Variants in B4GALNT3 observed in about 807,000 individuals in gnomAD.
B4GALNT3 encodes the protein beta-1,4-N-acetylgalactosaminyltransferase 3.
Under a neutral mutation model 120.2 loss-of-function variants are expected in B4GALNT3, and 86 were observed. The ratio of observed to expected loss-of-function variants is 0.72; its 90% CI spans 0.60 to 0.86. The LOEUF is 0.86. B4GALNT3 is among the 40% of genes least tolerant of loss of function. B4GALNT3 has a pLI of 0.00. For missense variants in B4GALNT3, 1,167 were observed against 1,298.9 expected (o/e 0.90, Z 1.56); for synonymous variants, 518 against 510.4 (o/e 1.01, Z -0.20).
At chr12:467,340 C>G (rs537558083) in intron 1 of B4GALNT3, among the ~76,000 whole-genome samples, 1 of 152,260 alleles carries the variant, frequency 6.6e-6, no homozygotes, top group East Asian at 1.9e-4. Flanking sequence ...GGGCAGATCA[C>G]TTGAGGTCAG....
intron 1 of B4GALNT3, among the ~76,000 whole-genome samples, chr12:476,110 C>T (rs892505624): frequency 3.3e-5 from 5 of 152,190 alleles, no homozygotes; most frequent in African/African-American, 9.7e-5. Flanking sequence ...ATCCCCGGCT[C>T]TTGTCCTTAG....
At chr12:527,376 G>A (rs752167588) in intron 1 of B4GALNT3, among the ~76,000 whole-genome samples, 10 of 152,226 alleles carry the variant, frequency 6.6e-5, no homozygotes, top group Admixed American at 2.0e-4. Flanking sequence ...ACCCAGTGGG[G>A]CAGTAGGTAC....
At chr12:499,500 G>A (rs1337899109) in intron 1 of B4GALNT3, among the ~76,000 whole-genome samples, 6 of 118,356 alleles carry the variant, frequency 5.1e-5, no homozygotes, top group African/African-American at 2.4e-4. Context: ...CGTGGAGCCC[G>A]TGCTCTCACT....
At chr12:495,758 TTCTTA>T (rs1946382316) in intron 1 of B4GALNT3, among the ~76,000 whole-genome samples, 1 of 152,174 alleles carries the variant, frequency 6.6e-6, no homozygotes, top group Admixed American at 6.5e-5. Flanking sequence ...TTGGGTAGCT[TTCTTA>T]TCTTTATTTA....
At position 561,292 on chromosome 12, in the gene B4GALNT3, C is replaced by T. The variant is rs1345838938; in HGVS notation, c.2889-51C>T. 2.0e-6 allele frequency: 3 copies of T among 1,481,888 alleles called. No individual in the cohort carries two copies. The East Asian group carries it at 6.8e-5, about 34-fold the overall frequency. The allele number at this position is 1,481,888 out of a possible 1,614,324, so 91.8% of individuals were successfully genotyped here. A position where few individuals can be genotyped will look rare whatever the true frequency, so the allele number is the denominator to read the frequency against. On this transcript the variant is annotated intron_variant, in intron 19 of 19. Transcript: ENST00000266383. ...TCTGTGGTCGATGGGGAGGGGCCCC[C>T]CAGCTGCCTTCTGTGCTTCTGTTGG...
chr12:491,950 C>G (rs952394256), intron 1 of B4GALNT3, among the ~76,000 whole-genome samples: 1 of 150,312 alleles, frequency 6.7e-6, no homozygotes, highest in Non-Finnish European at 1.5e-5. Context: ...TCCAGCTACT[C>G]GGGAGGCTGA....
At chr12:555,334 A>G (rs1454993264) in intron 14 of B4GALNT3, 3 of 456,778 alleles carry the variant, frequency 6.6e-6, no homozygotes, top group Admixed American at 2.4e-5. Flanking sequence ...AAATGGAACC[A>G]TGTAATGTGT....
At position 523,403 on chromosome 12, in the gene B4GALNT3, A is replaced by C. The variant is rs199719536; in HGVS notation, c.170-11763A>C. On this transcript the variant is annotated intron_variant, in intron 1 of 19. Coordinates refer to ENST00000266383, the MANE Select transcript of B4GALNT3 (RefSeq NM_173593.4). ...AAGCGTGGATGTGTTGAAACTACTA[A>C]CTTTAACTCATTTATACAGCGAGAA... Among the ~76,000 whole-genome samples the C allele has an allele frequency of 2.6e-5, 4 of 152,296 alleles. No homozygotes were observed. The East Asian group carries it at 7.7e-4, about 29-fold the overall frequency.
intron 1 of B4GALNT3, among the ~76,000 whole-genome samples, chr12:509,122 GGACAAC>G (rs1258094159): frequency 6.6e-6 from 1 of 152,202 alleles, no homozygotes; most frequent in Non-Finnish European, 1.5e-5. Flanking sequence ...CAAAGATGAT[GGACAAC>G]GTGTCTGAAG....
At position 460,420 on chromosome 12, in the gene B4GALNT3, C is replaced by G. The variant is rs759949676; in HGVS notation, c.44C>G (p.Pro15Arg). 67 of 1,541,296 alleles carry G rather than the reference C, an allele frequency of 4.3e-5. No individual in the cohort carries two copies. The highest frequency in any genetic ancestry group is 4.2e-4 in the Middle Eastern group (2 of 4,750). The change falls in exon 1 of 20, where the codon CCG becomes CGG. Residue 15 changes from proline (P) to arginine (R), a missense_variant. Physicochemically the swap from Pro to Arg is moderately radical, Grantham distance 103. Around this residue, in one of 3 missense-constraint regions of B4GALNT3, gnomAD observed 171 missense variants for 161.3 expected, o/e 1.06. Transcript: ENST00000266383. The surrounding 1 kb of genome is among the most constrained non-coding windows in gnomAD (Gnocchi z 8.0). ...GCGCGGCCCCCGCTGCTCCTGCGCC[C>G]GGTGAAGCTGCTGCGGAGGCGCTTC... ...RAARPPLLLR[P>R]VKLLRRRFRL...
intron 1 of B4GALNT3, among the ~76,000 whole-genome samples, chr12:465,228 G>A (rs1194327547): frequency 6.6e-6 from 1 of 152,092 alleles, no homozygotes; most frequent in Non-Finnish European, 1.5e-5. Flanking sequence ...CACGTGTCCG[G>A]TTTATCGCTC....
chr12:558,078 A>G lies in B4GALNT3; in HGVS notation c.2597A>G (p.Asp866Gly), dbSNP rs771364123. 5.6e-6 allele frequency: 9 copies of G among 1,613,606 alleles called. No homozygotes were observed. The Admixed American group carries it at 1.3e-4, about 24-fold the overall frequency. Reference sequence around the variant, plus strand: ...TCAGCTGGACTTCAGGCTGGCATAGACCTCGTGAAGGTAAAGGGCCTGGAT... The same window carrying G: ...TCAGCTGGACTTCAGGCTGGCATAGGCCTCGTGAAGGTAAAGGGCCTGGAT... ...ERSAGLQAGI[D>G]LVKDPHSIIF... Residue 866 changes from aspartate to glycine, a missense_variant, in exon 17 of 20, where the codon GAC (aspartate) becomes GGC (glycine). This residue lies in a region of B4GALNT3 where 983 missense variants were observed against 1,102.5 expected (regional missense o/e 0.89). Coordinates refer to ENST00000266383, the MANE Select transcript of B4GALNT3 (RefSeq NM_173593.4).
In B4GALNT3 at chr12:556,616, C is replaced by A; in HGVS notation, c.2130C>A (p.Leu710=). ...RQDQLRGGRY[L]LELELLEQGQ... ...ACCAGCTACGTGGGGGTCGCTACCT[C>A]CTGGAGCTTGAACTGTTGGAACAAG... The change falls in exon 15 of 20, where the codon CTC becomes CTA. Residue 710 remains leucine (L), a synonymous_variant. Transcript: ENST00000266383. 6.2e-7 allele frequency: 1 copy of A among 1,614,056 alleles called. No individual in the cohort carries two copies. Among genetic ancestry groups the A allele is most frequent in the Non-Finnish European group, 8.5e-7 (1 of 1,180,044 alleles).
chr12:506,208 G>A (rs1040610831), intron 1 of B4GALNT3, among the ~76,000 whole-genome samples: 10 of 151,952 alleles, frequency 6.6e-5, no homozygotes, highest in Non-Finnish European at 1.3e-4. Flanking sequence ...TTCTTCATTT[G>A]TGTGTGTTTA....
chr12:527,069 G>T (rs1181154320), intron 1 of B4GALNT3, among the ~76,000 whole-genome samples: 1 of 151,992 alleles, frequency 6.6e-6, no homozygotes, highest in Non-Finnish European at 1.5e-5. Flanking sequence ...GCACCACCAC[G>T]CCCAGCTAGT....
chr12:514,266 T>C (rs183554597), intron 1 of B4GALNT3, among the ~76,000 whole-genome samples: 3,720 of 149,296 alleles, frequency 0.025, 162 homozygotes, highest in African/African-American at 0.084. Context: ...GGCGCGATCT[T>C]GGCTCACTGC....
intron 3 of B4GALNT3, among the ~76,000 whole-genome samples, chr12:542,011 T>G (rs903915319): frequency 1.6e-4 from 24 of 152,032 alleles, no homozygotes; most frequent in African/African-American, 5.8e-4. Context: ...TAAACTGAAC[T>G]TGAGGATTTT....
intron 1 of B4GALNT3, among the ~76,000 whole-genome samples, chr12:496,531 C>T (rs1222932719): frequency 1.3e-5 from 2 of 151,902 alleles, no homozygotes; most frequent in African/African-American, 2.4e-5. Context: ...ACCTGGGAGG[C>T]GGAGGTTGCA....
chr12:542,061 G>A (rs557812656), intron 3 of B4GALNT3, among the ~76,000 whole-genome samples: 58 of 152,114 alleles, frequency 3.8e-4, no homozygotes, highest in African/African-American at 1.4e-3. Context: ...TTCCTTCCTT[G>A]AAGCCTTAAC....
Sources: gnomAD v4.1 joint callset for allele counts (sites outside exome capture counted in the v4.1 genomes callset) on GRCh38, gnomAD v4.1.1 for gene constraint, gnomAD v4.1.1 regional missense constraint, Gnocchi (gnomAD v3.1) non-coding constraint, MANE v1.5 for transcripts, NCBI Gene and HGNC (gene_info 2026-07-23, HGNC 2026-07-21) for gene names.